DAB1: variants seen among roughly 807,000 people sequenced by gnomAD.
The protein encoded by DAB1 is DAB adaptor protein 1, also known as disabled homolog 1.
Under a neutral mutation model 64.6 loss-of-function variants are expected in DAB1, and 15 were observed. The observed-to-expected ratio is 0.23, with a 90% CI of 0.16 to 0.36. DAB1 has a LOEUF of 0.36. Ranked by LOEUF, DAB1 falls within the 10% of genes least tolerant of loss-of-function variation. The pLI, the probability that DAB1 is intolerant of heterozygous loss-of-function variation, is 1.00. For missense variants in DAB1, 596 were observed against 706.7 expected, an observed-to-expected ratio of 0.84 and a Z score of 1.78; for synonymous variants, 235 against 251.9, an observed-to-expected ratio of 0.93 and a Z score of 0.64.
rs146984192 is a variant in DAB1 at position 57,560,510 on chromosome 1, CT to C, written n.625+89081del. On this transcript the variant is annotated intron_variant and non_coding_transcript_variant, in intron 7 of 20. Coordinates refer to the DAB1 transcript ENST00000485760. ...AGGATAAGTTGCTGCCATTTGGCCC[CT>C]CCTACAACCAAGAAAGAGGCATAAC... 7.9e-5 allele frequency among the ~76,000 whole-genome samples: 12 copies of C among 152,308 alleles called. No individual in the cohort carries two copies. The East Asian group carries it at 2.3e-3, about 29-fold the overall frequency.
chr1:57,099,669 G>A (rs1300710239), intron 4 of DAB1, among the ~76,000 whole-genome samples: 1 of 152,200 alleles, frequency 6.6e-6, no homozygotes, highest in Non-Finnish European at 1.5e-5. Context: ...AAACCCTGAT[G>A]CAAGAGCATT....
chr1:57,345,590 A>G (rs967895202), intron 1 of DAB1, among the ~76,000 whole-genome samples: 11 of 152,204 alleles, frequency 7.2e-5, no homozygotes, highest in African/African-American at 2.4e-4. Flanking sequence ...GTGCTCGGTT[A>G]TTTGACTCAG....
At chr1:58,482,773 A>T (rs555288197) in intron 3 of DAB1, among the ~76,000 whole-genome samples, 2 of 152,272 alleles carry the variant, frequency 1.3e-5, no homozygotes, top group South Asian at 4.1e-4. Flanking sequence ...CTGCGAGTAC[A>T]AGGGAGATGG....
intron 5 of DAB1, among the ~76,000 whole-genome samples, chr1:58,102,040 G>C (rs1651352074): frequency 6.6e-6 from 1 of 152,228 alleles, no homozygotes; most frequent in African/African-American, 2.4e-5. Flanking sequence ...CTTACCATTT[G>C]ACACATGCTC....
At chr1:58,165,745 C>G (rs1655796932) in intron 4 of DAB1, among the ~76,000 whole-genome samples, 1 of 152,120 alleles carries the variant, frequency 6.6e-6, no homozygotes, top group African/African-American at 2.4e-5. Context: ...TTTTGGGGAT[C>G]AGTGAAGAAT....
intron 6 of DAB1, among the ~76,000 whole-genome samples, chr1:57,705,282 C>T (rs1227235780): frequency 6.6e-6 from 1 of 151,740 alleles, no homozygotes; most frequent in Admixed American, 6.6e-5. Context: ...TATATTTTTC[C>T]ATTTTTAAAA....
At chr1:58,197,703 C>CTTTTTTTTTTTTT (rs3053698) in intron 4 of DAB1, among the ~76,000 whole-genome samples, 1 of 139,964 alleles carries the variant, frequency 7.1e-6, no homozygotes. Context: ...GAGAGTTACA[C>CTTTTTTTTTTTTT]TTTTTTTTTT....
chr1:57,985,675 G>A (rs1646198993), intron 5 of DAB1, among the ~76,000 whole-genome samples: 1 of 151,750 alleles, frequency 6.6e-6, no homozygotes, highest in Non-Finnish European at 1.5e-5. Flanking sequence ...GTGAGTATTA[G>A]CCACACTGGA....
At chr1:57,473,978 T>C (rs1231038413) in intron 7 of DAB1, among the ~76,000 whole-genome samples, 1 of 152,164 alleles carries the variant, frequency 6.6e-6, no homozygotes, top group African/African-American at 2.4e-5. Context: ...ACGATCAATA[T>C]AAAACAAAAG....
At chr1:57,008,798 C>T (rs1436888043) in intron 14 of DAB1, among the ~76,000 whole-genome samples, 1 of 152,146 alleles carries the variant, frequency 6.6e-6, no homozygotes. Context: ...ATATAAGCCC[C>T]TTCTAGCAGA....
At chr1:57,291,792 T>C (rs1367362667) in intron 1 of DAB1, among the ~76,000 whole-genome samples, 1 of 152,196 alleles carries the variant, frequency 6.6e-6, no homozygotes, top group African/African-American at 2.4e-5. Flanking sequence ...ACAGATTTCA[T>C]TCATTCATTC....
At chr1:58,212,776 C>A (rs1034947545) in intron 4 of DAB1, among the ~76,000 whole-genome samples, 15 of 152,244 alleles carry the variant, frequency 9.9e-5, no homozygotes, top group African/African-American at 3.6e-4. Context: ...AAGGAGTGAA[C>A]CAGGGTACAT....
intron 3 of DAB1, among the ~76,000 whole-genome samples, chr1:58,359,136 G>A (rs950067978): frequency 6.6e-6 from 1 of 151,938 alleles, no homozygotes; most frequent in Non-Finnish European, 1.5e-5. Flanking sequence ...TGAATGTCTG[G>A]GTCATATGGA....
At chr1:57,891,846 G>A (rs982939385) in intron 5 of DAB1, among the ~76,000 whole-genome samples, 2 of 152,112 alleles carry the variant, frequency 1.3e-5, no homozygotes, top group African/African-American at 4.8e-5. Flanking sequence ...GGCCTGTCAG[G>A]GGGTGGGGTC....
intron 6 of DAB1, among the ~76,000 whole-genome samples, chr1:57,743,163 G>A (rs1043176910): frequency 1.3e-5 from 2 of 152,108 alleles, no homozygotes; most frequent in African/African-American, 2.4e-5. Context: ...CCAAGCCATC[G>A]CATCCCCTAT....
chr1:58,154,209 A>T (rs765703575), intron 4 of DAB1, among the ~76,000 whole-genome samples: 1 of 152,096 alleles, frequency 6.6e-6, no homozygotes, highest in African/African-American at 2.4e-5. Context: ...ATATTCAGTA[A>T]GAAACTCCTT....
At chr1:58,304,423 T>C (rs1180276237) in intron 4 of DAB1, among the ~76,000 whole-genome samples, 1 of 152,190 alleles carries the variant, frequency 6.6e-6, no homozygotes, top group Admixed American at 6.5e-5. Flanking sequence ...CTACAGTATA[T>C]ACACTAGGTA....
At position 57,795,690 on chromosome 1, in the gene DAB1, GATATATATATATATATATAT is replaced by G. The variant is rs3081038; in HGVS notation, n.551+88289_551+88308del. On this transcript the variant is annotated intron_variant and non_coding_transcript_variant, in intron 6 of 20. Coordinates refer to the DAB1 transcript ENST00000485760. Reference sequence around the variant, plus strand: ...TAACCATCCATGAATTATGCTTGGAGATATATATATATATATATATATATATATATATATATATATATATC... The same window carrying G: ...TAACCATCCATGAATTATGCTTGGAGATATATATATATATATATATATATC... Among the ~76,000 whole-genome samples the G allele has an allele frequency of 1.4e-3, 98 of 69,100 alleles. 1 individual carries two copies. The highest frequency in any genetic ancestry group is 3.1e-3 in the African/African-American group (55 of 17,950). The allele number at this position is 69,100 out of a possible 152,430, so 45.3% of individuals were successfully genotyped here.
chr1:58,362,241 AGATGTG>A (rs1644174353), intron 3 of DAB1, among the ~76,000 whole-genome samples: 2 of 152,190 alleles, frequency 1.3e-5, no homozygotes, highest in Admixed American at 1.3e-4. Context: ...TGATTGATCC[AGATGTG>A]GCATCTTGGC....
Sources: gnomAD v4.1 joint callset for allele counts (sites outside exome capture counted in the v4.1 genomes callset) on GRCh38, gnomAD v4.1.1 for gene constraint, MANE v1.5 for transcripts, NCBI Gene and HGNC (gene_info 2026-07-23, HGNC 2026-07-21) for gene names.